The following LMF1 variants were observed in gnomAD, a reference collection of about 807,000 sequenced individuals.
The protein encoded by LMF1 is transmembrane protein 112.
In LMF1, 68 loss-of-function variants were observed where a neutral mutation model predicts 60.6. That is an observed-to-expected ratio of 1.12 (90% CI 0.92 to 1.37). LMF1 has a LOEUF of 1.37. Ranked by LOEUF, LMF1 falls within the 40% of genes most tolerant of loss-of-function variation. The pLI, the probability that LMF1 is intolerant of heterozygous loss-of-function variation, is 0.00. For synonymous variants in LMF1, 418 were observed against 324.7 expected (o/e 1.29, Z -3.09); for missense variants, 948 against 767.2 (o/e 1.24, Z -2.78).
Position 897,292 on chromosome 16 carries a change from G to A in LMF1, c.664-4220C>T, listed in dbSNP as rs1277966644. Among the ~76,000 whole-genome samples the A allele has an allele frequency of 3.3e-5, 5 of 152,198 alleles. No homozygotes were observed. Among genetic ancestry groups the A allele is most frequent in the African/African-American group, 4.8e-5 (2 of 41,440 alleles). ...CGCTTCTCTCACTTGGCCCCCAGAGGCCGCCATCCACCCTGCAGCGACAGC... is the reference window on the plus strand; with the variant it reads ...CGCTTCTCTCACTTGGCCCCCAGAGACCGCCATCCACCCTGCAGCGACAGC... On this transcript the variant is annotated intron_variant, in intron 4 of 10. Coordinates refer to ENST00000262301, the MANE Select transcript of LMF1 (RefSeq NM_022773.4). The surrounding 1 kb of genome is among the most constrained non-coding windows in gnomAD (Gnocchi z 4.3).
intron 1 of LMF1, among the ~76,000 whole-genome samples, chr16:977,945 C>T (rs1369321928): frequency 8.1e-5 from 12 of 148,344 alleles, no homozygotes; most frequent in South Asian, 6.5e-4. Flanking sequence ...ATCATACACA[C>T]GCACACACAC....
chr16:943,345 T>C (rs1396697345), intron 2 of LMF1, among the ~76,000 whole-genome samples: 1 of 136,688 alleles, frequency 7.3e-6, no homozygotes, highest in African/African-American at 2.8e-5. Context: ...CACTCCAGCC[T>C]GGGCGACAGA....
intron 1 of LMF1, among the ~76,000 whole-genome samples, chr16:967,506 C>T (rs746869808): frequency 3.3e-5 from 5 of 152,274 alleles, no homozygotes; most frequent in East Asian, 1.9e-4. Flanking sequence ...CATGGGCGGC[C>T]GGCACTGCCC....
intron 5 of LMF1, among the ~76,000 whole-genome samples, chr16:885,436 G>A (rs1025861128): frequency 2.0e-5 from 3 of 152,130 alleles, no homozygotes; most frequent in Admixed American, 2.0e-4. Context: ...CCAGATAAAG[G>A]GCAGGACTTG....
At chr16:973,602 T>A (rs890161731), upstream of LMF1, among the ~76,000 whole-genome samples, 1 of 152,232 alleles carries the variant, frequency 6.6e-6, no homozygotes, top group South Asian at 2.1e-4. Flanking sequence ...GAGAATCTTC[T>A]GGAACTAGGC....
At chr16:976,760 C>G (rs1221609134) in intron 1 of LMF1, 3 of 454,130 alleles carry the variant, frequency 6.6e-6, no homozygotes, top group Non-Finnish European at 1.3e-5. Flanking sequence ...CCGACACATC[C>G]GTGATCTGGG....
chr16:920,619 G>C (rs1175306885), intron 3 of LMF1, among the ~76,000 whole-genome samples: 1 of 152,230 alleles, frequency 6.6e-6, no homozygotes, highest in South Asian at 2.1e-4. Context: ...GGAAGGCAGG[G>C]AGAGGCCTGA....
At chr16:966,015 G>C (rs1031514930) in intron 1 of LMF1, among the ~76,000 whole-genome samples, 1 of 152,194 alleles carries the variant, frequency 6.6e-6, no homozygotes, top group Non-Finnish European at 1.5e-5. Context: ...AGGAAGCAGA[G>C]AGCAGGGCTC....
chr16:969,388 C>T (rs1596175296), intron 1 of LMF1, among the ~76,000 whole-genome samples: 1 of 152,122 alleles, frequency 6.6e-6, no homozygotes, highest in African/African-American at 2.4e-5. Flanking sequence ...CAGTTGAAGC[C>T]GATACTGCAA....
At chr16:930,042 G>A (rs75740956) in intron 3 of LMF1, among the ~76,000 whole-genome samples, 16,912 of 142,610 alleles carry the variant, frequency 0.12, 1,213 homozygotes, top group Non-Finnish European at 0.15. Flanking sequence ...GGGGCACAGG[G>A]CCCTGGGACA....
At chr16:920,266 G>A (rs1212174903) in intron 3 of LMF1, among the ~76,000 whole-genome samples, 2 of 152,218 alleles carry the variant, frequency 1.3e-5, no homozygotes, top group Admixed American at 6.5e-5. Context: ...CCCACAGCAC[G>A]CACTGCATGT....
chr16:977,122 G>C, intron 1 of LMF1: 1 of 454,066 alleles, frequency 2.2e-6, no homozygotes, highest in Non-Finnish European at 4.4e-6. Context: ...GACTCACTGA[G>C]TGGTTTTCCA....
intron 2 of LMF1, among the ~76,000 whole-genome samples, chr16:952,820 C>CTGCTTCTGCCTCCCTTTCCCCAT (rs2072515751): frequency 7.1e-6 from 1 of 141,276 alleles, no homozygotes; most frequent in African/African-American, 2.7e-5. Flanking sequence ...CAGACACCCA[C>CTGCTTCTGCCTCCCTTTCCCCAT]CCCAAACCAG....
intron 5 of LMF1, 21 bp downstream of exon 5, chr16:892,986 C>CA: frequency 6.5e-7 from 1 of 1,534,202 alleles, no homozygotes; most frequent in Admixed American, 2.0e-5. Context: ...GCCCTGCCCT[C>CA]ACGCTGCACG....
chr16:869,683 C>T, intron 9 of LMF1, 200 bp downstream of exon 9: 1 of 670,526 alleles, frequency 1.5e-6, no homozygotes, highest in Admixed American at 2.3e-5. Flanking sequence ...GACGGTGGGG[C>T]TGGGCTCCCA....
Position 875,978 on chromosome 16 carries a change from C to CCCCT in LMF1, c.897+3588_897+3591dup, listed in dbSNP as rs111923764. ...CCCAGGTCAGGAATCCTGGAACACACCCCTCCATTCAGGCTGGACACCCCT... is the reference window on the plus strand; with the variant it reads ...CCCAGGTCAGGAATCCTGGAACACACCCCTCCCTCCATTCAGGCTGGACACCCCT... On this transcript the variant is annotated intron_variant, in intron 6 of 10. Transcript: ENST00000262301. Among the ~76,000 whole-genome samples, 771 of 147,406 alleles carry CCCCT rather than the reference C, an allele frequency of 5.2e-3. 11 individuals are homozygous for CCCCT. The highest frequency in any genetic ancestry group is 0.02 in the African/African-American group (743 of 36,966).
intron 2 of LMF1, among the ~76,000 whole-genome samples, chr16:937,918 C>T (rs1337318347): frequency 6.6e-6 from 1 of 151,640 alleles, no homozygotes; most frequent in Non-Finnish European, 1.5e-5. Context: ...CTTGTGTCTG[C>T]AGCTGATCCT....
chr16:888,408 C>G (rs1474171943), intron 5 of LMF1, among the ~76,000 whole-genome samples: 1 of 152,232 alleles, frequency 6.6e-6, no homozygotes, highest in Non-Finnish European at 1.5e-5. Context: ...GGTCCCTGTA[C>G]TCCAGATCCA....
At chr16:940,949 C>T (rs767882891) in intron 2 of LMF1, among the ~76,000 whole-genome samples, 12 of 152,164 alleles carry the variant, frequency 7.9e-5, no homozygotes, top group Non-Finnish European at 1.6e-4. Flanking sequence ...TGGAGTTCTG[C>T]AATTTTTGCT....
Sources: gnomAD v4.1 joint callset for allele counts (sites outside exome capture counted in the v4.1 genomes callset) on GRCh38, gnomAD v4.1.1 for gene constraint, Gnocchi (gnomAD v3.1) non-coding constraint, MANE v1.5 for transcripts, NCBI Gene and HGNC (gene_info 2026-07-23, HGNC 2026-07-21) for gene names.